Variants in A2M observed in about 807,000 individuals in gnomAD.
A2M encodes the protein C3 and PZP-like alpha-2-macroglobulin domain-containing protein 5.
Under a neutral mutation model 183.9 loss-of-function variants are expected in A2M, and 128 were observed. That is an observed-to-expected ratio of 0.70 (90% CI 0.60 to 0.81). A2M has a LOEUF of 0.81. A2M is among the 30% of genes least tolerant of loss of function. The pLI is 0.00. For missense variants in A2M, 1,495 were observed against 1,787.6 expected (o/e 0.84, Z 2.95); for synonymous variants, 592 against 670.8 (o/e 0.88, Z 1.81).
intron 11 of A2M, among the ~76,000 whole-genome samples, chr12:9,103,210 GCTTA>G (rs1938023444): frequency 6.6e-6 from 1 of 152,108 alleles, no homozygotes; most frequent in African/African-American, 2.4e-5. Context: ...GTTAAAGGGG[GCTTA>G]CTAAGTGATT....
intron 35 of A2M, 138 bp downstream of exon 35, chr12:9,068,045 T>TG (rs1392555120): frequency 2.8e-6 from 3 of 1,090,128 alleles, no homozygotes; most frequent in Non-Finnish European, 4.0e-6. Context: ...CCAATAAATG[T>TG]GTTTTTCTAT....
At chr12:9,095,410 G>T in intron 16 of A2M, 129 bp downstream of exon 16, 1 of 859,382 alleles carries the variant, frequency 1.2e-6, no homozygotes, top group Non-Finnish European at 1.7e-6. Flanking sequence ...TATTAGTAGA[G>T]AAGCCACTTA....
intron 17 of A2M, among the ~76,000 whole-genome samples, chr12:9,094,630 T>A (rs903989887): frequency 3.9e-5 from 6 of 152,066 alleles, no homozygotes; most frequent in African/African-American, 1.2e-4. Flanking sequence ...ATGTCATTGA[T>A]GAATGTGTGT....
intron 2 of A2M, among the ~76,000 whole-genome samples, chr12:9,113,109 T>TC (rs1352964716): frequency 1.3e-5 from 2 of 151,706 alleles, no homozygotes; most frequent in African/African-American, 2.4e-5. Flanking sequence ...CATTTTCTTT[T>TC]TTTTTTTTTC....
Position 9,080,179 on chromosome 12 carries a change from T to A in A2M, c.2771-2A>T. The A allele has an allele frequency of 6.4e-7, 1 of 1,568,528 alleles. No individual in the cohort carries two copies. The highest frequency in any genetic ancestry group is 8.7e-7 in the Non-Finnish European group (1 of 1,151,822). On this transcript the variant is annotated splice_acceptor_variant, in intron 22 of 35. Transcript: ENST00000318602. LOFTEE classifies it high-confidence loss of function. Reference sequence around the variant, plus strand: ...ATAATTCTTCAGAAACCTCACCACCTAGAGAAATAAGCAAATCAGACATAT... The same window carrying A: ...ATAATTCTTCAGAAACCTCACCACCAAGAGAAATAAGCAAATCAGACATAT...
At chr12:9,073,977 A>G (rs1045535499) in intron 29 of A2M, among the ~76,000 whole-genome samples, 4 of 151,868 alleles carry the variant, frequency 2.6e-5, no homozygotes, top group Non-Finnish European at 5.9e-5. Context: ...AATCCTAGAT[A>G]CTTGGGAGGC....
Position 9,107,551 on chromosome 12 carries a change from C to A in A2M, c.852G>T (p.Gln284His), listed in dbSNP as rs1220049680. The A allele has an allele frequency of 6.2e-7, 1 of 1,613,948 alleles. No homozygotes were observed. The highest frequency in any genetic ancestry group is 1.1e-5 in the South Asian group (1 of 91,086). ...DASDCHGEDS[Q>H]AFCEKFSGQL... ...GTCCACTGAATTTCTCACAGAAAGCCTGTGAATCTTCACCGTGGCAGTCGG... is the reference window on the plus strand; with the variant it reads ...GTCCACTGAATTTCTCACAGAAAGCATGTGAATCTTCACCGTGGCAGTCGG... Residue 284 changes from glutamine to histidine, a missense_variant, in exon 8 of 36, where the codon CAG becomes CAT. Physicochemically the swap from Gln to His is conservative, Grantham distance 24. Transcript: ENST00000318602.
chr12:9,105,888 A>G (rs989105069), intron 10 of A2M, among the ~76,000 whole-genome samples: 2 of 152,168 alleles, frequency 1.3e-5, no homozygotes, highest in Non-Finnish European at 2.9e-5. Flanking sequence ...GAATTTTGAG[A>G]TTCTTGTGAG....
chr12:9,107,030 A>G (rs1401601273), intron 8 of A2M, among the ~76,000 whole-genome samples: 1 of 152,230 alleles, frequency 6.6e-6, no homozygotes, highest in Non-Finnish European at 1.5e-5. Flanking sequence ...AGTCCTGTCC[A>G]CTTGCTATTT....
At position 9,077,755 on chromosome 12, in the gene A2M, C is replaced by T. The variant is rs776107314; in HGVS notation, c.3222G>A (p.Gln1074=). 1.9e-5 allele frequency: 30 copies of T among 1,614,082 alleles called. No individual in the cohort carries two copies. In the South Asian group the frequency reaches 3.0e-4, roughly 16 times the overall value. Reference sequence around the variant, plus strand: ...AGCTCCTGAAACAGCCATTGTCCTTCTGCCTCTGGGAGAGCCATATGAGGG... The same window carrying T: ...AGCTCCTGAAACAGCCATTGTCCTTTTGCCTCTGGGAGAGCCATATGAGGG... ...TQALIWLSQR[Q]KDNGCFRSSG... is the part of the protein sequence containing the mutation. Residue 1074 remains glutamine, a synonymous_variant, in exon 26 of 36, where the codon CAG becomes CAA. Coordinates refer to ENST00000318602, the MANE Select transcript of A2M (RefSeq NM_000014.6).
Position 9,072,767 on chromosome 12 carries a change from G to A in A2M, c.3861C>T (p.Ser1287=), listed in dbSNP as rs1445875763. Residue 1287 remains serine (S), a synonymous_variant, in exon 30 of 36, where the codon TCC becomes TCT. Transcript: ENST00000318602. ...TGTTGTTGTCCACTTGGAATTTGCT[G>A]GAAAATGTCCCTGAAGACTGGATAG... is the stretch of plus-strand genomic sequence containing the variant. The part of the protein sequence containing the change: ...QVTIQSSGTF[S]SKFQVDNNNR... The A allele has an allele frequency of 2.5e-6, 4 of 1,614,174 alleles. No homozygotes were observed. The Admixed American group carries it at 6.7e-5, about 27-fold the overall frequency.
Position 9,072,752 on chromosome 12 carries a change from C to T in A2M, c.3876G>A (p.Val1292=). 6.2e-7 allele frequency: 1 copy of T among 1,614,180 alleles called. No individual in the cohort carries two copies. The highest frequency in any genetic ancestry group is 8.5e-7 in the Non-Finnish European group (1 of 1,180,036). Residue 1292 remains valine (V), a synonymous_variant, in exon 30 of 36, where the codon GTG becomes GTA. Transcript: ENST00000318602. The part of the protein sequence containing the change: ...SSGTFSSKFQ[V]DNNNRLLLQQ... Reference sequence around the variant, plus strand: ...GCAGTAACAGGCGGTTGTTGTTGTCCACTTGGAATTTGCTGGAAAATGTCC... The same window carrying T: ...GCAGTAACAGGCGGTTGTTGTTGTCTACTTGGAATTTGCTGGAAAATGTCC...
At chr12:9,113,689 G>C (rs1592400641) in intron 1 of A2M, 146 bp from the exon 2 acceptor site, 1 of 745,490 alleles carries the variant, frequency 1.3e-6, no homozygotes. Flanking sequence ...GCCGTTGAAG[G>C]CCATGCATAA....
rs184246200 is a variant in A2M at position 9,097,696 on chromosome 12, C to T, written c.1851+911G>A. ...TTGCCCAGGCTGGAGTGCAGTGGCACGATCTCGGCTCACTCAACCTCTGCC... is the reference window on the plus strand; with the variant it reads ...TTGCCCAGGCTGGAGTGCAGTGGCATGATCTCGGCTCACTCAACCTCTGCC... On this transcript the variant is annotated intron_variant, in intron 15 of 35. Transcript: ENST00000318602. 1.1e-3 allele frequency among the ~76,000 whole-genome samples: 161 copies of T among 148,162 alleles called. 1 individual carries two copies. The highest frequency in any genetic ancestry group is 8.8e-3 in the East Asian group (45 of 5,118).
chr12:9,103,649 G>A (rs1232516569), intron 11 of A2M, among the ~76,000 whole-genome samples: 3 of 152,092 alleles, frequency 2.0e-5, no homozygotes, highest in South Asian at 2.1e-4. Flanking sequence ...CCCCATGTAC[G>A]TGAATCATAC....
intron 11 of A2M, 72 bp downstream of exon 11, chr12:9,104,167 T>C: frequency 6.8e-7 from 1 of 1,475,474 alleles, no homozygotes; most frequent in Non-Finnish European, 9.1e-7. Flanking sequence ...GTTTGGAAAT[T>C]TTCTCACCCT....
In A2M at chr12:9,090,407, A is replaced by G; in HGVS notation, c.2545T>C (p.Cys849Arg). ...GACACAGTTTGCCGCCCGTTTGCAC[A>G]GATGCAGTGAGGCGCTTGTTCCTTC... Reference protein sequence around the residue: ...VEKEQAPHCICANGRQTVSWA... With the variant: ...VEKEQAPHCIRANGRQTVSWA... Residue 849 changes from cysteine to arginine, a missense_variant, in exon 20 of 36, where the codon TGT becomes CGT. Physicochemically the swap from Cys to Arg is radical, Grantham distance 180. Transcript: ENST00000318602. 3.7e-6 allele frequency: 6 copies of G among 1,614,034 alleles called. No individual in the cohort carries two copies. The highest frequency in any genetic ancestry group is 5.1e-6 in the Non-Finnish European group (6 of 1,179,894).
intron 22 of A2M, among the ~76,000 whole-genome samples, chr12:9,088,255 G>GT (rs11384439): frequency 0.32 from 46,994 of 147,992 alleles, 7,720 homozygotes; most frequent in Admixed American, 0.36. Context: ...GTGATGTTCT[G>GT]TTTTTTTTTT....
intron 11 of A2M, among the ~76,000 whole-genome samples, chr12:9,102,505 C>T (rs999658983): frequency 6.6e-5 from 10 of 152,132 alleles, no homozygotes; most frequent in African/African-American, 2.4e-4. Flanking sequence ...CGTGAGCTAC[C>T]GTGCCTGGCC....
Sources: allele counts gnomAD v4.1 joint callset (sites outside exome capture counted in the v4.1 genomes callset), GRCh38; gene constraint gnomAD v4.1.1; transcripts MANE v1.5; gene names NCBI Gene and HGNC (gene_info 2026-07-23, HGNC 2026-07-21).